Variants in LTBP1 observed in about 807,000 individuals in gnomAD.
LTBP1 encodes the protein latent-transforming growth factor beta-binding protein 1.
A neutral mutation model predicts 207.6 loss-of-function variants in LTBP1; 129 were observed. That is an observed-to-expected ratio of 0.62 (90% confidence interval 0.54 to 0.72). LTBP1 has a LOEUF of 0.72. Among genes scored for constraint, LTBP1 ranks in the 30% least tolerant of loss-of-function variants. The pLI is 0.00. For synonymous variants in LTBP1, 963 were observed against 833.7 expected (o/e 1.16, Z -2.67); for missense variants, 2,281 against 2,217.2 (o/e 1.03, Z -0.58).
intron 3 of LTBP1, among the ~76,000 whole-genome samples, chr2:33,042,172 T>TGG (rs1346306319): frequency 2.6e-5 from 4 of 152,216 alleles, no homozygotes; most frequent in Non-Finnish European, 4.4e-5. Flanking sequence ...AAGTGGACCT[T>TGG]TAGCCCATGT....
intron 22 of LTBP1, among the ~76,000 whole-genome samples, chr2:33,303,951 C>G (rs2094041629): frequency 6.6e-6 from 1 of 152,196 alleles, no homozygotes; most frequent in Non-Finnish European, 1.5e-5. Flanking sequence ...CAAGAAGGAA[C>G]TGCACCATTG....
chr2:33,131,162 T>G (rs1326259196), intron 4 of LTBP1, among the ~76,000 whole-genome samples: 3 of 152,194 alleles, frequency 2.0e-5, no homozygotes, highest in Non-Finnish European at 4.4e-5. Flanking sequence ...TTCGGGTTAC[T>G]TTGTCTATTC....
At chr2:32,997,952 T>C (rs1542343) in intron 2 of LTBP1, among the ~76,000 whole-genome samples, 15,099 of 152,150 alleles carry the variant, frequency 0.099, 1,361 homozygotes, top group East Asian at 0.28. Flanking sequence ...GAGAAAGTGT[T>C]GTAGGTTTCT....
At chr2:32,953,357 T>A (rs1326641264) in intron 2 of LTBP1, among the ~76,000 whole-genome samples, 1 of 152,172 alleles carries the variant, frequency 6.6e-6, no homozygotes, top group East Asian at 1.9e-4. Context: ...GATTATATAT[T>A]TTTTTGTATG....
At position 33,222,106 on chromosome 2, in the gene LTBP1, G is replaced by A. The variant is rs1345830310; in HGVS notation, c.1831G>A (p.Glu611Lys). 1 of 1,612,806 alleles carries A rather than the reference G, an allele frequency of 6.2e-7. No homozygotes were observed. The highest frequency in any genetic ancestry group is 8.5e-7 in the Non-Finnish European group (1 of 1,178,932). ...TTATCATGGATACAACCAAATGATG[G>A]AATGCCTACCGGGTTATAAGCGGGT... is the stretch of plus-strand genomic sequence containing the variant. ...PSYHGYNQMM[E>K]CLPGYKRVNN... The change falls in exon 9 of 34, where the codon GAA (glutamate) becomes AAA (lysine). Residue 611 changes from glutamate to lysine, a missense_variant. Coordinates refer to ENST00000404816, the MANE Select transcript of LTBP1 (RefSeq NM_206943.4).
chr2:33,112,136 A>G (rs964498498), intron 4 of LTBP1, among the ~76,000 whole-genome samples: 7 of 152,312 alleles, frequency 4.6e-5, no homozygotes, highest in Non-Finnish European at 1.0e-4. Context: ...AAAGTTTATG[A>G]TTATACTGAT....
intron 3 of LTBP1, among the ~76,000 whole-genome samples, chr2:33,065,556 T>C (rs931509278): frequency 6.6e-6 from 1 of 150,622 alleles, no homozygotes; most frequent in Non-Finnish European, 1.5e-5. Context: ...TCACCCTGTT[T>C]CTCTACAGGA....
At chr2:33,248,584 G>T (rs193220819) in intron 10 of LTBP1, among the ~76,000 whole-genome samples, 2 of 149,446 alleles carry the variant, frequency 1.3e-5, no homozygotes, top group Non-Finnish European at 3.0e-5. Flanking sequence ...GGTTCTCCAC[G>T]AATTTTTTTT....
chr2:33,050,751 TGAGACCGAGTCTC>T (rs1374284779), intron 3 of LTBP1, among the ~76,000 whole-genome samples: 1 of 151,726 alleles, frequency 6.6e-6, no homozygotes, highest in African/African-American at 2.4e-5. Flanking sequence ...TTTTTTTTTT[TGAGACCGAGTCTC>T]GCTCTGTTGC....
intron 2 of LTBP1, among the ~76,000 whole-genome samples, chr2:32,982,886 A>G (rs1431022421): frequency 6.6e-6 from 1 of 152,228 alleles, no homozygotes; most frequent in African/African-American, 2.4e-5. Flanking sequence ...GCCCTCATGG[A>G]GAACCTCTGT....
At chr2:33,372,559 A>G (rs1239225455) in intron 31 of LTBP1, among the ~76,000 whole-genome samples, 1 of 152,174 alleles carries the variant, frequency 6.6e-6, no homozygotes, top group Non-Finnish European at 1.5e-5. Context: ...TAATGTTTTT[A>G]TTTTTTGCTA....
At chr2:33,093,408 T>C (rs2079212356) in intron 3 of LTBP1, among the ~76,000 whole-genome samples, 1 of 152,014 alleles carries the variant, frequency 6.6e-6, no homozygotes, top group Non-Finnish European at 1.5e-5. Context: ...GTGGAAACAG[T>C]TGAAAAAAAA....
At chr2:33,389,076 A>C in intron 31 of LTBP1, 108 bp from the exon 32 acceptor site, 1 of 1,475,028 alleles carries the variant, frequency 6.8e-7, no homozygotes, top group Non-Finnish European at 9.3e-7. Context: ...AGATGGAGAC[A>C]CACGTGGAAG....
In LTBP1 at chr2:33,187,136, C is replaced by T. The variant is rs2087298062; in HGVS notation, c.1426+56C>T. ...GACCTCTGTTAACCTGCCAAACCCA[C>T]ATAGAAGTCAAGGATCTGCGGGTGG... is the stretch of plus-strand genomic sequence containing the variant. On this transcript the variant is annotated intron_variant, in intron 6 of 33. Transcript: ENST00000404816. 4.7e-6 allele frequency: 7 copies of T among 1,496,286 alleles called. No homozygotes were observed. The East Asian group carries it at 1.6e-4, about 34-fold the overall frequency. The allele number at this position is 1,496,286 out of a possible 1,614,324, so 92.7% of individuals were successfully genotyped here.
At chr2:33,025,447 A>G (rs2075370470) in intron 3 of LTBP1, among the ~76,000 whole-genome samples, 1 of 152,208 alleles carries the variant, frequency 6.6e-6, no homozygotes, top group Non-Finnish European at 1.5e-5. Flanking sequence ...AAAATAGAGA[A>G]AAAAGTAATG....
At chr2:33,137,159 CGTT>C (rs2082208204) in intron 5 of LTBP1, among the ~76,000 whole-genome samples, 1 of 152,014 alleles carries the variant, frequency 6.6e-6, no homozygotes, top group African/African-American at 2.4e-5. Flanking sequence ...AATTCAAAAA[CGTT>C]TATGCATATA....
rs1227932986 is a variant in LTBP1 at position 33,255,533 on chromosome 2, G to T, written c.2168-1751G>T. ...TGCTGCTATAAAGACACATGCACACGTATGTTTATTGCGGCATTATTCACA... is the reference window on the plus strand; with the variant it reads ...TGCTGCTATAAAGACACATGCACACTTATGTTTATTGCGGCATTATTCACA... On this transcript the variant is annotated intron_variant, in intron 11 of 33. Coordinates refer to ENST00000404816, the MANE Select transcript of LTBP1 (RefSeq NM_206943.4). 3.3e-5 allele frequency among the ~76,000 whole-genome samples: 5 copies of T among 152,250 alleles called. No individual in the cohort carries two copies. The South Asian group carries it at 6.2e-4, about 19-fold the overall frequency.
At chr2:33,155,589 T>C (rs1463580793) in intron 5 of LTBP1, among the ~76,000 whole-genome samples, 1 of 152,122 alleles carries the variant, frequency 6.6e-6, no homozygotes, top group African/African-American at 2.4e-5. Flanking sequence ...CCTATTAGAT[T>C]CAAGTAGCAA....
intron 28 of LTBP1, among the ~76,000 whole-genome samples, 175 bp downstream of exon 28, chr2:33,361,690 A>G (rs2094929017): frequency 6.6e-6 from 1 of 152,296 alleles, no homozygotes; most frequent in East Asian, 1.9e-4. Flanking sequence ...TCAGAACACA[A>G]ACTGTATGAT....
Sources: allele counts gnomAD v4.1 joint callset (sites outside exome capture counted in the v4.1 genomes callset), GRCh38; gene constraint gnomAD v4.1.1; transcripts MANE v1.5; gene names NCBI Gene and HGNC (gene_info 2026-07-23, HGNC 2026-07-21).